Variants in LRRC4C observed in about 807,000 individuals in gnomAD.
The protein encoded by LRRC4C is leucine-rich repeat-containing protein 4C.
Under a neutral mutation model 33.6 loss-of-function variants are expected in LRRC4C, and 5 were observed. The ratio of observed to expected loss-of-function variants is 0.15; its 90% CI spans 0.08 to 0.31. LRRC4C has a LOEUF of 0.31. Among genes scored for constraint, LRRC4C ranks in the 10% least tolerant of loss-of-function variants. The pLI, the probability that LRRC4C is intolerant of heterozygous loss-of-function variation, is 1.00. For synonymous variants in LRRC4C, 329 were observed against 302.0 expected (o/e 1.09, Z -0.93); for missense variants, 560 against 796.7 (o/e 0.70, Z 3.58).
intron 1 of LRRC4C, among the ~76,000 whole-genome samples, chr11:41,033,955 TA>T (rs1856878878): frequency 6.6e-6 from 1 of 151,996 alleles, no homozygotes; most frequent in African/African-American, 2.4e-5. Context: ...TGACAAAAAA[TA>T]AAAGAAAATT....
intron 1 of LRRC4C, among the ~76,000 whole-genome samples, chr11:41,042,338 C>T (rs1235916463): frequency 6.6e-6 from 1 of 152,104 alleles, no homozygotes; most frequent in Non-Finnish European, 1.5e-5. Flanking sequence ...AGTTGATATA[C>T]ACAATCACCA....
At chr11:40,773,327 T>G (rs141188965) in intron 2 of LRRC4C, among the ~76,000 whole-genome samples, 9 of 152,228 alleles carry the variant, frequency 5.9e-5, no homozygotes, top group African/African-American at 2.2e-4. Flanking sequence ...CAACAATTTA[T>G]TATACATTTA....
At chr11:40,794,842 G>A (rs893070529) in intron 2 of LRRC4C, among the ~76,000 whole-genome samples, 1 of 152,152 alleles carries the variant, frequency 6.6e-6, no homozygotes, top group Non-Finnish European at 1.5e-5. Context: ...ACTTCTGTAA[G>A]TCCCAATATC....
At chr11:41,279,963 A>G (rs1055351455) in intron 1 of LRRC4C, among the ~76,000 whole-genome samples, 2 of 151,998 alleles carry the variant, frequency 1.3e-5, no homozygotes, top group Non-Finnish European at 1.5e-5. Context: ...TATTTTCCTG[A>G]TCTCTCAGTT....
chr11:41,132,751 C>A (rs973556948), intron 1 of LRRC4C, among the ~76,000 whole-genome samples: 1 of 151,946 alleles, frequency 6.6e-6, no homozygotes, highest in Non-Finnish European at 1.5e-5. Flanking sequence ...AAGAAAGTTG[C>A]TCAATTTCCA....
chr11:41,456,712 G>T (rs1956181605), intron 1 of LRRC4C, among the ~76,000 whole-genome samples: 1 of 152,050 alleles, frequency 6.6e-6, no homozygotes, highest in Non-Finnish European at 1.5e-5. Context: ...GAAATGGAAA[G>T]CTCCCTACCC....
chr11:40,906,586 T>C (rs1956426861), intron 2 of LRRC4C, among the ~76,000 whole-genome samples: 3 of 152,162 alleles, frequency 2.0e-5, no homozygotes, highest in Admixed American at 2.0e-4. Context: ...AGGACTTTTA[T>C]ATACACTGGG....
chr11:40,782,081 C>G (rs185187101), intron 2 of LRRC4C, among the ~76,000 whole-genome samples: 114 of 152,244 alleles, frequency 7.5e-4, no homozygotes, highest in African/African-American at 2.6e-3. Flanking sequence ...TTTTCTTCTT[C>G]CTTAAAATGG....
intron 4 of LRRC4C, among the ~76,000 whole-genome samples, chr11:40,277,884 G>T (rs912613760): frequency 6.6e-6 from 1 of 151,960 alleles, no homozygotes; most frequent in Non-Finnish European, 1.5e-5. Context: ...TTGTCAAAAG[G>T]GTACGTTGAG....
At chr11:41,158,371 A>C (rs917893425) in intron 1 of LRRC4C, among the ~76,000 whole-genome samples, 1 of 152,120 alleles carries the variant, frequency 6.6e-6, no homozygotes, top group Admixed American at 6.6e-5. Flanking sequence ...ATTGGTTCCA[A>C]AAAGAGAAAA....
intron 2 of LRRC4C, among the ~76,000 whole-genome samples, chr11:40,871,069 C>T (rs1954617023): frequency 6.6e-6 from 1 of 152,112 alleles, no homozygotes; most frequent in Admixed American, 6.5e-5. Flanking sequence ...TCCCGTAGTG[C>T]TCCCAGGCTT....
At chr11:40,329,471 A>T (rs1946250266) in intron 3 of LRRC4C, among the ~76,000 whole-genome samples, 1 of 152,140 alleles carries the variant, frequency 6.6e-6, no homozygotes, top group Admixed American at 6.5e-5. Flanking sequence ...CTTTGAGACG[A>T]CTGGGCAGGA....
intron 3 of LRRC4C, among the ~76,000 whole-genome samples, chr11:40,484,730 A>G (rs886301127): frequency 6.6e-6 from 1 of 152,132 alleles, no homozygotes; most frequent in Non-Finnish European, 1.5e-5. Context: ...TAATGTATCA[A>G]TGGAAAAAAA....
At chr11:40,318,428 G>T (rs988840558) in intron 4 of LRRC4C, among the ~76,000 whole-genome samples, 2 of 152,104 alleles carry the variant, frequency 1.3e-5, no homozygotes, top group African/African-American at 4.8e-5. Context: ...GAAAGGAGCA[G>T]GGTTCATTCA....
intron 2 of LRRC4C, among the ~76,000 whole-genome samples, chr11:40,826,471 G>A (rs188417580): frequency 3.3e-5 from 5 of 151,834 alleles, no homozygotes; most frequent in African/African-American, 1.2e-4. Context: ...TCTGCCCAAG[G>A]GTATGTGCCA....
At chr11:41,053,280 CCTT>C (rs1858383586) in intron 1 of LRRC4C, among the ~76,000 whole-genome samples, 1 of 152,186 alleles carries the variant, frequency 6.6e-6, no homozygotes, top group Non-Finnish European at 1.5e-5. Context: ...GACACTTTCT[CCTT>C]AACTTTGATG....
chr11:40,149,318 G>GC (rs1184761230), intron 5 of LRRC4C, among the ~76,000 whole-genome samples: 3 of 152,190 alleles, frequency 2.0e-5, no homozygotes, highest in African/African-American at 7.2e-5. Context: ...CTGTTCATGA[G>GC]CATGGGATGT....
At chr11:40,722,710 T>C (rs1947087995) in intron 2 of LRRC4C, among the ~76,000 whole-genome samples, 1 of 152,200 alleles carries the variant, frequency 6.6e-6, no homozygotes, top group South Asian at 2.1e-4. Flanking sequence ...AGTGTTTTGT[T>C]ACCTCCAAAG....
intron 1 of LRRC4C, among the ~76,000 whole-genome samples, chr11:41,353,936 C>G (rs577428121): frequency 0.019 from 2,876 of 152,086 alleles, 84 homozygotes; most frequent in African/African-American, 0.065. Context: ...AACAGGCAAA[C>G]CTGGAAGCAT....
Sources: allele counts gnomAD v4.1 joint callset (sites outside exome capture counted in the v4.1 genomes callset), GRCh38; gene constraint gnomAD v4.1.1; transcripts MANE v1.5; gene names NCBI Gene and HGNC (gene_info 2026-07-23, HGNC 2026-07-21).